INTS14: variants seen among roughly 807,000 people sequenced by gnomAD.
INTS14 encodes the protein UPF0464 protein C15orf44.
A neutral mutation model predicts 56.9 loss-of-function variants in INTS14; 27 were observed. The ratio of observed to expected loss-of-function variants is 0.47; its 90% CI spans 0.35 to 0.65. INTS14 has a LOEUF of 0.65. Among genes scored for constraint, INTS14 ranks in the 30% least tolerant of loss-of-function variants. The pLI is 0.00. For synonymous variants in INTS14, 207 were observed against 236.2 expected (o/e 0.88, Z 1.13); for missense variants, 517 against 632.2 (o/e 0.82, Z 1.95).
At chr15:65,586,840 GA>G (rs1236478631) in intron 9 of INTS14, 1 of 152,092 alleles carries the variant, frequency 6.6e-6, no homozygotes, top group Non-Finnish European at 1.5e-5. Flanking sequence ...GGAAATCAAA[GA>G]AATAATTGAT....
At position 65,607,321 on chromosome 15, in the gene INTS14, C is replaced by T. The variant is rs767775987; in HGVS notation, c.60G>A (p.Glu20=). The change falls in exon 2 of 12, where the codon GAG becomes GAA. Residue 20 remains glutamate, a synonymous_variant. Transcript: ENST00000313182. ...GCTTACGCTGGTATTCCTCGGACCC[C>T]TCAATAGACACAGGTCGGGTCATGG... ...SLSMTRPVSI[E]GSEEYQRKHL... 3.1e-6 allele frequency: 5 copies of T among 1,614,048 alleles called. No individual in the cohort carries two copies. The highest frequency in any genetic ancestry group is 2.7e-5 in the African/African-American group (2 of 74,900).
chr15:65,593,668 A>G (rs1249457623), intron 7 of INTS14, 96 bp from the exon 8 acceptor site: 25 of 1,409,738 alleles, frequency 1.8e-5, no homozygotes, highest in Non-Finnish European at 2.2e-5. Context: ...TTTAAGGGAT[A>G]GTGTAGAGTT....
chr15:65,594,429 G>C (rs2073137577), intron 7 of INTS14, among the ~76,000 whole-genome samples: 1 of 146,060 alleles, frequency 6.8e-6, no homozygotes, highest in African/African-American at 2.5e-5. Context: ...GTCTTGCTCT[G>C]TTGCTCAGGC....
chr15:65,607,141 A>C lies in INTS14; in HGVS notation c.222+18T>G. The C allele has an allele frequency of 1.1e-5, 18 of 1,612,430 alleles. No individual in the cohort carries two copies. Among genetic ancestry groups the C allele is most frequent in the Non-Finnish European group, 1.5e-5 (18 of 1,178,580 alleles). ...AAATTTAGGCCCTGTACATACAATAACTTACTACATTTTGTACCTGTAGGG... is the reference window on the plus strand; with the variant it reads ...AAATTTAGGCCCTGTACATACAATACCTTACTACATTTTGTACCTGTAGGG... On this transcript the variant is annotated intron_variant, in intron 2 of 11. Coordinates refer to ENST00000313182, the MANE Select transcript of INTS14 (RefSeq NM_001394796.1).
At chr15:65,591,775 A>G (rs1285161368) in intron 8 of INTS14, 44 bp from the exon 9 acceptor site, 1 of 1,602,120 alleles carries the variant, frequency 6.2e-7, no homozygotes, top group Non-Finnish European at 8.5e-7. Context: ...ATCAAGCCTG[A>G]GACTGTCAAG....
At chr15:65,602,349 G>A (rs192534916) in intron 3 of INTS14, among the ~76,000 whole-genome samples, 3 of 148,096 alleles carry the variant, frequency 2.0e-5, no homozygotes, top group East Asian at 2.0e-4. Context: ...GCAGTGGCAC[G>A]TTCTCGGCTC....
chr15:65,607,828 A>G (rs1339245313), intron 1 of INTS14, among the ~76,000 whole-genome samples: 1 of 152,236 alleles, frequency 6.6e-6, no homozygotes, highest in East Asian at 1.9e-4. Context: ...ACAAACAACC[A>G]TTGTTTTTTG....
At position 65,599,853 on chromosome 15, in the gene INTS14, C is replaced by T. The variant is rs766178838; in HGVS notation, c.407G>A (p.Arg136Gln). 42 of 1,614,156 alleles carry T rather than the reference C, an allele frequency of 2.6e-5. No individual in the cohort carries two copies. Among genetic ancestry groups the T allele is most frequent in the Non-Finnish European group, 3.4e-5 (40 of 1,180,010 alleles). ...TAGTGGAAACCTGTTGCTCTCACTT[C>T]GTTGATTTTGAGTGGCTAGGGAATG... ...LRHSLATQNQ[R>Q]SESNRFPLPF... Residue 136 changes from arginine (R) to glutamine (Q), a missense_variant, in exon 4 of 12, where the codon CGA becomes CAA. Coordinates refer to ENST00000313182, the MANE Select transcript of INTS14 (RefSeq NM_001394796.1).
At chr15:65,596,941 T>G (rs1019312647) in intron 6 of INTS14, among the ~76,000 whole-genome samples, 1 of 152,168 alleles carries the variant, frequency 6.6e-6, no homozygotes, top group African/African-American at 2.4e-5. Flanking sequence ...AATAAATGCA[T>G]TAGTATAAGC....
chr15:65,605,991 C>T (rs1293609167), intron 2 of INTS14, among the ~76,000 whole-genome samples: 1 of 151,872 alleles, frequency 6.6e-6, no homozygotes, highest in Non-Finnish European at 1.5e-5. Flanking sequence ...CGCGGTGGCT[C>T]ACGCCTGTAA....
Position 65,584,786 on chromosome 15 carries a change from T to C in INTS14, c.1223A>G (p.Lys408Arg). 6.2e-7 allele frequency: 1 copy of C among 1,612,662 alleles called. No homozygotes were observed. Residue 408 changes from lysine (K) to arginine (R), a missense_variant, in exon 10 of 12, where the codon AAA becomes AGA. By Grantham distance (26) the Lys-to-Arg change is conservative. Transcript: ENST00000313182. ...TAATGTTACCTGCAGGCCGCTGGGT[T>C]TGATCCAGACAGTCACATTCTGGGC... ...SYAQNVTVWI[K>R]PSGLQTDVQK... is the part of the protein sequence containing the mutation.
At position 65,598,956 on chromosome 15, in the gene INTS14, C is replaced by A; in HGVS notation, c.521G>T (p.Arg174Leu). ...TTCACCATTGTTTAAATCTATGAGA[C>A]GTTCAAGGCATTCCAAGGAATCGGT... ...QSTDSLECLE[R>L]LIDLNNGEGQ... Residue 174 changes from arginine to leucine, a missense_variant, in exon 5 of 12, where the codon CGT becomes CTT. Transcript: ENST00000313182. The A allele has an allele frequency of 6.2e-7, 1 of 1,613,848 alleles. No homozygotes were observed. Among genetic ancestry groups the A allele is most frequent in the South Asian group, 1.1e-5 (1 of 91,030 alleles).
Position 65,579,261 on chromosome 15 carries a change from A to G in INTS14, c.*147T>C. 1 of 1,091,082 alleles carries G rather than the reference A, an allele frequency of 9.2e-7. No homozygotes were observed. The highest frequency in any genetic ancestry group is 1.3e-6 in the Non-Finnish European group (1 of 766,152). The allele number at this position is 1,091,082 out of a possible 1,614,324, so 67.6% of individuals were successfully genotyped here. On this transcript the variant is annotated 3_prime_UTR_variant, in exon 12 of 12. Coordinates refer to ENST00000313182, the MANE Select transcript of INTS14 (RefSeq NM_001394796.1). ...CTTCACATCCTTCTCATACTAGTAG[A>G]GTCATTCAAAACAGCAAGTGGTGCT...
intron 3 of INTS14, among the ~76,000 whole-genome samples, chr15:65,600,537 G>A (rs1355323890): frequency 6.6e-6 from 1 of 152,044 alleles, no homozygotes; most frequent in Admixed American, 6.6e-5. Flanking sequence ...GCTGAGGTGG[G>A]AGGATCACTT....
At chr15:65,581,907 T>G (rs753839738) in intron 11 of INTS14, 47 bp downstream of exon 11, 2 of 1,582,556 alleles carry the variant, frequency 1.3e-6, no homozygotes, top group East Asian at 2.2e-5. Flanking sequence ...ACAGTTTTAC[T>G]GTCGTGAACC....
chr15:65,604,980 T>C, intron 3 of INTS14, 149 bp downstream of exon 3: 1 of 643,022 alleles, frequency 1.6e-6, no homozygotes, highest in Non-Finnish European at 2.7e-6. Flanking sequence ...TTAGTGTTGA[T>C]TTAGTACCTT....
At position 65,607,530 on chromosome 15, in the gene INTS14, G is replaced by C; in HGVS notation, c.-62-88C>G. On this transcript the variant is annotated intron_variant, in intron 1 of 11. Transcript: ENST00000313182. ...TTAACTAACTTCTCAGAAATTAGCA[G>C]AGGCAAACACCATTTAAGTTGAGGT... is the stretch of plus-strand genomic sequence containing the variant. The C allele has an allele frequency of 5.7e-6, 8 of 1,398,362 alleles. No individual in the cohort carries two copies. In the South Asian group the frequency reaches 1.2e-4, roughly 20 times the overall value. The allele number at this position is 1,398,362 out of a possible 1,614,324, so 86.6% of individuals were successfully genotyped here.
At chr15:65,600,860 C>T (rs914621391) in intron 3 of INTS14, among the ~76,000 whole-genome samples, 3 of 152,056 alleles carry the variant, frequency 2.0e-5, no homozygotes, top group African/African-American at 7.2e-5. Flanking sequence ...TAAAAGCTTG[C>T]CTCTGAACAC....
chr15:65,591,639 AGAG>A lies in INTS14; in HGVS notation c.1076_1078del (p.Pro359del). ...CTGTGCCATTTTCCCTAGCCATGGG[AGAG>A]GTTCTGGGCCAGGCTCAAAGAGAGA... On this transcript the variant is annotated inframe_deletion, in exon 9 of 12. Transcript: ENST00000313182. 6.2e-7 allele frequency: 1 copy of A among 1,614,174 alleles called. No homozygotes were observed. Among genetic ancestry groups the A allele is most frequent in the Non-Finnish European group, 8.5e-7 (1 of 1,180,018 alleles).
Sources: allele counts gnomAD v4.1 joint callset (sites outside exome capture counted in the v4.1 genomes callset), GRCh38; gene constraint gnomAD v4.1.1; transcripts MANE v1.5; gene names NCBI Gene and HGNC (gene_info 2026-07-23, HGNC 2026-07-21).